METTL22: variants seen among roughly 807,000 people sequenced by gnomAD.
The protein encoded by METTL22 is methyltransferase-like protein 22.
Under a neutral mutation model 48.4 loss-of-function variants are expected in METTL22, and 51 were observed. The observed-to-expected ratio is 1.05, with a 90% CI of 0.84 to 1.33. The LOEUF (loss-of-function observed/expected upper bound fraction) is 1.33, where lower values mean the gene tolerates loss of function less well. Among genes scored for constraint, METTL22 ranks in the 40% most tolerant of loss-of-function variants. METTL22 has a pLI of 0.00. For synonymous variants in METTL22, 255 were observed against 214.1 expected, an observed-to-expected ratio of 1.19 and a Z score of -1.67; for missense variants, 678 against 526.9, an observed-to-expected ratio of 1.29 and a Z score of -2.81.
the METTL22 span, among the ~76,000 whole-genome samples, chr16:8,660,404 C>G: frequency 1.3e-5 from 2 of 152,054 alleles, no homozygotes; most frequent in Non-Finnish European, 2.9e-5. Flanking sequence ...GTCTCGAACT[C>G]CTGACCTCAA....
At chr16:8,623,480 G>T (rs2055932380) in intron 1 of METTL22, 1 of 152,162 alleles carries the variant, frequency 6.6e-6, no homozygotes, top group African/African-American at 2.4e-5. Context: ...GAGAGAGCTT[G>T]ATCTGCCTTT....
Position 8,625,761 on chromosome 16 carries a change from A to T in METTL22, c.96A>T (p.Arg32Ser). The T allele has an allele frequency of 6.2e-7, 1 of 1,614,038 alleles. No individual in the cohort carries two copies. Among genetic ancestry groups the T allele is most frequent in the East Asian group, 2.2e-5 (1 of 44,898 alleles). The change falls in exon 2 of 11, where the codon AGA becomes AGT. Residue 32 changes from arginine to serine, a missense_variant. Arg to Ser is a moderately radical substitution (Grantham distance 110). Coordinates refer to ENST00000381920, the MANE Select transcript of METTL22 (RefSeq NM_024109.4). ...TCCACCTCTATACCCCGAACCATAG[A>T]CATCTCATGGTACGGCTGAACAGCG... ...SDVHLYTPNH[R>S]HLMVRLNSVG...
At chr16:8,658,902 C>T in the METTL22 span, among the ~76,000 whole-genome samples, 3 of 152,168 alleles carry the variant, frequency 2.0e-5, no homozygotes, top group Admixed American at 1.3e-4. Flanking sequence ...CTCCCCACTC[C>T]GAGAATGCAC....
intron 3 of METTL22, 76 bp from the exon 4 acceptor site, chr16:8,634,963 A>T: frequency 6.3e-7 from 1 of 1,596,722 alleles, no homozygotes; most frequent in Non-Finnish European, 8.6e-7. Context: ...GGCGGTTGCC[A>T]CACTGTCCTG....
intron 7 of METTL22, 120 bp downstream of exon 7, chr16:8,641,304 G>T: frequency 2.1e-6 from 2 of 966,782 alleles, no homozygotes; most frequent in Non-Finnish European, 3.3e-6. Flanking sequence ...CAGTCCCATC[G>T]GCGCATGGCA....
chr16:8,644,532 G>C (rs2141813702), intron 9 of METTL22, 25 bp from the exon 10 acceptor site: 3 of 1,523,428 alleles, frequency 2.0e-6, no homozygotes, highest in East Asian at 2.4e-5. Flanking sequence ...ATGGCAGTTT[G>C]TGCGTCCGAC....
intron 2 of METTL22, 143 bp from the exon 3 acceptor site, chr16:8,628,587 G>C (rs1343157043): frequency 8.9e-7 from 1 of 1,125,586 alleles, no homozygotes; most frequent in Non-Finnish European, 1.2e-6. Context: ...AATCAAGTGG[G>C]CCTTTTCTGC....
At chr16:8,628,601 C>G in intron 2 of METTL22, 129 bp from the exon 3 acceptor site, 1 of 1,263,446 alleles carries the variant, frequency 7.9e-7, no homozygotes, top group Non-Finnish European at 1.1e-6. Context: ...TTTCTGCTGG[C>G]ATTAGTATAT....
rs2056830078 is a variant in METTL22, at chr16:8,647,757, T to TG, written c.*1615dup. ...AGCATGCAGGAGAGTGACCTCACCC[T>TG]GCCCCTCTGGGAGCAAGAAGAAAAC... is the stretch of plus-strand genomic sequence containing the variant. On this transcript the variant is annotated 3_prime_UTR_variant, in exon 11 of 11. Transcript: ENST00000381920. 1 of 152,258 alleles carries TG rather than the reference T, an allele frequency of 6.6e-6. No individual in the cohort carries two copies. Among genetic ancestry groups the TG allele is most frequent in the South Asian group, 2.1e-4 (1 of 4,836 alleles). 9.4% of individuals were successfully genotyped at this position (152,258 alleles called of 1,614,324 possible). A position where few individuals can be genotyped will look rare whatever the true frequency, so the allele number is the denominator to read the frequency against.
At chr16:8,625,852 C>T (rs1596331120) in intron 2 of METTL22, 54 bp downstream of exon 2, 4 of 1,599,216 alleles carry the variant, frequency 2.5e-6, no homozygotes, top group Non-Finnish European at 3.4e-6. Flanking sequence ...TCTGCTTTCT[C>T]ATACTCATCT....
At chr16:8,665,077 A>G in the METTL22 span, among the ~76,000 whole-genome samples, 2 of 152,088 alleles carry the variant, frequency 1.3e-5, no homozygotes, top group Admixed American at 6.6e-5. Context: ...TTTCCACGGT[A>G]TCCTCTAAGG....
intron 6 of METTL22, chr16:8,639,661 C>G (rs2056532621): frequency 5.5e-6 from 1 of 181,050 alleles, no homozygotes; most frequent in African/African-American, 2.3e-5. Flanking sequence ...CCAGCACGGC[C>G]AGGACTCACT....
intron 3 of METTL22, among the ~76,000 whole-genome samples, chr16:8,632,753 C>G (rs2141729766): frequency 6.6e-6 from 1 of 152,328 alleles, no homozygotes; most frequent in South Asian, 2.1e-4. Context: ...AACTGTAGCT[C>G]TGTCTCCAAG....
intron 2 of METTL22, 133 bp from the exon 3 acceptor site, chr16:8,628,597 C>T (rs2056142679): frequency 8.1e-7 from 1 of 1,241,426 alleles, no homozygotes; most frequent in Non-Finnish European, 1.1e-6. Flanking sequence ...GCCTTTTCTG[C>T]TGGCATTAGT....
chr16:8,624,171 C>T (rs2055959175), intron 1 of METTL22: 1 of 152,208 alleles, frequency 6.6e-6, no homozygotes, highest in Non-Finnish European at 1.5e-5. Flanking sequence ...GCCCATCAGA[C>T]TACTGCTGTT....
chr16:8,645,571 T>C (rs556574625), intron 10 of METTL22, among the ~76,000 whole-genome samples: 1 of 151,846 alleles, frequency 6.6e-6, no homozygotes, highest in South Asian at 2.1e-4. Flanking sequence ...AAGCTAGGAG[T>C]TCGAGACCAG....
chr16:8,665,398 C>T, the METTL22 span, among the ~76,000 whole-genome samples: 2 of 152,160 alleles, frequency 1.3e-5, no homozygotes, highest in Non-Finnish European at 2.9e-5. Context: ...AAGTCAGGAG[C>T]TGCCTCTGGG....
At chr16:8,664,156 C>T in the METTL22 span, among the ~76,000 whole-genome samples, 3 of 150,780 alleles carry the variant, frequency 2.0e-5, no homozygotes, top group African/African-American at 4.9e-5. Context: ...GGCGTGATGT[C>T]GGCTCACTGC....
At chr16:8,630,829 G>C (rs775058369) in intron 3 of METTL22, among the ~76,000 whole-genome samples, 4 of 152,204 alleles carry the variant, frequency 2.6e-5, no homozygotes, top group Non-Finnish European at 5.9e-5. Flanking sequence ...ACGGAGGAGA[G>C]TGGAATGGTA....
Sources: gnomAD v4.1 joint callset for allele counts (sites outside exome capture counted in the v4.1 genomes callset) on GRCh38, gnomAD v4.1.1 for gene constraint, MANE v1.5 for transcripts, NCBI Gene and HGNC (gene_info 2026-07-23, HGNC 2026-07-21) for gene names.